The following INVS variants were observed in gnomAD, a reference collection of about 807,000 sequenced individuals.
INVS encodes the protein inversin, also known as inversion of embryo turning homolog.
A neutral mutation model predicts 108.8 loss-of-function variants in INVS; 86 were observed. The ratio of observed to expected loss-of-function variants is 0.79; its 90% CI spans 0.66 to 0.95. The LOEUF (loss-of-function observed/expected upper bound fraction) is 0.95. Ranked by LOEUF, INVS falls within the 40% of genes least tolerant of loss-of-function variation. The probability of loss-of-function intolerance (pLI) is 0.00; values close to 1 mark genes in which losing one functional copy is unlikely to be tolerated. For missense variants in INVS, 1,169 were observed against 1,297.4 expected (o/e 0.90, Z 1.52); for synonymous variants, 455 against 473.5 (o/e 0.96, Z 0.51).
rs147671655 is a variant in INVS at position 100,159,239 on chromosome 9, A to C, written c.273+32690A>C. ...TGGTATGGAAAGATAGAGGAAGGGA[A>C]TATTCAATGAGAAGTTTTAGGGAAG... On this transcript the variant is annotated intron_variant, in intron 3 of 16. Transcript: ENST00000262457. 1.1e-3 allele frequency among the ~76,000 whole-genome samples: 167 copies of C among 152,346 alleles called. 1 individual carries two copies. The highest frequency in any genetic ancestry group is 1.9e-3 in the Admixed American group (29 of 15,304).
chr9:100,123,825 A>G (rs1178901146), intron 2 of INVS, among the ~76,000 whole-genome samples: 3 of 152,136 alleles, frequency 2.0e-5, no homozygotes, highest in Admixed American at 1.3e-4. Context: ...GGTATCTTAT[A>G]TTGTGGTTTT....
intron 3 of INVS, chr9:100,129,617 AT>A (rs1827995493): frequency 1.6e-6 from 1 of 620,538 alleles, no homozygotes; most frequent in Non-Finnish European, 3.0e-6. Context: ...TTTTAAACTA[AT>A]TTGCCTGTCA....
At chr9:100,189,753 ATTTG>A (rs1236418824) in intron 3 of INVS, among the ~76,000 whole-genome samples, 4 of 150,296 alleles carry the variant, frequency 2.7e-5, no homozygotes, top group Admixed American at 6.6e-5. Context: ...TTATTTATTT[ATTTG>A]TTTGTTTTTT....
chr9:100,176,791 AC>A (rs1829726236), intron 3 of INVS, among the ~76,000 whole-genome samples: 1 of 151,878 alleles, frequency 6.6e-6, no homozygotes, highest in Non-Finnish European at 1.5e-5. Context: ...ACTGTTAAAA[AC>A]CCAATTATTA....
At chr9:100,125,548 A>T (rs1254095734) in intron 2 of INVS, among the ~76,000 whole-genome samples, 1 of 152,104 alleles carries the variant, frequency 6.6e-6, no homozygotes, top group East Asian at 1.9e-4. Flanking sequence ...CTAGTCCAAG[A>T]TGCCTTCCCT....
intron 3 of INVS, among the ~76,000 whole-genome samples, chr9:100,183,533 C>A (rs1233578017): frequency 6.6e-6 from 1 of 152,108 alleles, no homozygotes; most frequent in Non-Finnish European, 1.5e-5. Flanking sequence ...TGGCTTACGC[C>A]TGTAATCCCA....
At chr9:100,223,798 C>T (rs1831221672) in intron 3 of INVS, among the ~76,000 whole-genome samples, 1 of 152,208 alleles carries the variant, frequency 6.6e-6, no homozygotes, top group Non-Finnish European at 1.5e-5. Context: ...ATCCTCTTTC[C>T]TAGCCATGGT....
intron 12 of INVS, among the ~76,000 whole-genome samples, chr9:100,280,797 G>A (rs1833251066): frequency 6.6e-6 from 1 of 152,160 alleles, no homozygotes; most frequent in Admixed American, 6.5e-5. Context: ...TACGTCGAAA[G>A]CTAGTTATGG....
intron 3 of INVS, chr9:100,175,356 A>G: frequency 1.3e-6 from 1 of 762,592 alleles, no homozygotes; most frequent in Non-Finnish European, 2.4e-6. Flanking sequence ...CACGAGTCCC[A>G]AAGGCAGACA....
intron 2 of INVS, among the ~76,000 whole-genome samples, chr9:100,123,502 T>C (rs554393011): frequency 6.6e-6 from 1 of 152,336 alleles, no homozygotes; most frequent in East Asian, 1.9e-4. Flanking sequence ...CATTCGTCAG[T>C]TGATGAATAG....
rs200546215 is a variant in INVS at position 100,252,315 on chromosome 9, A to G, written c.1111A>G (p.Ser371Gly). 6.4e-5 allele frequency: 104 copies of G among 1,613,970 alleles called. No homozygotes were observed. Among genetic ancestry groups the G allele is most frequent in the Non-Finnish European group, 1.0e-5 (12 of 1,179,962 alleles). Reference protein sequence around the residue: ...LHAAALSGHVSTVKLLLENNA... With the variant: ...LHAAALSGHVGTVKLLLENNA... ...TGCTGCTGCTCTTTCTGGCCATGTC[A>G]GCACCGTGAAGTTATTACTGGAAAA... is the stretch of plus-strand genomic sequence containing the variant. Residue 371 changes from serine to glycine, a missense_variant, in exon 9 of 17, where the codon AGC becomes GGC. By Grantham distance (56) the Ser-to-Gly change is moderately conservative. Coordinates refer to ENST00000262457, the MANE Select transcript of INVS (RefSeq NM_014425.5).
chr9:100,154,121 G>A (rs141462317), intron 3 of INVS, among the ~76,000 whole-genome samples: 42 of 152,132 alleles, frequency 2.8e-4, no homozygotes, highest in African/African-American at 1.0e-3. Context: ...TTTAATTGCA[G>A]CATTATTTGT....
chr9:100,107,028 A>C (rs536394062), intron 2 of INVS, among the ~76,000 whole-genome samples: 3 of 152,328 alleles, frequency 2.0e-5, no homozygotes, highest in Non-Finnish European at 4.4e-5. Context: ...AGCTGTACCC[A>C]TTGTCCACAC....
intron 10 of INVS, among the ~76,000 whole-genome samples, chr9:100,255,025 G>A (rs1021167888): frequency 8.5e-5 from 13 of 152,112 alleles, no homozygotes; most frequent in African/African-American, 1.2e-4. Flanking sequence ...CCATTTTCAC[G>A]ATATTGATTC....
intron 3 of INVS, chr9:100,175,549 A>T (rs558309862): frequency 1.4e-6 from 1 of 734,000 alleles, no homozygotes; most frequent in Admixed American, 1.8e-5. Context: ...CTTAGCTACA[A>T]ACAGGTTAAG....
chr9:100,274,887 A>G (rs2118680438), intron 12 of INVS, among the ~76,000 whole-genome samples: 1 of 152,288 alleles, frequency 6.6e-6, no homozygotes, highest in East Asian at 1.9e-4. Flanking sequence ...TAAATCCTAC[A>G]TCTTACCCAC....
chr9:100,234,670 C>T (rs554670520), intron 5 of INVS, among the ~76,000 whole-genome samples: 40 of 152,174 alleles, frequency 2.6e-4, no homozygotes, highest in African/African-American at 8.2e-4. Flanking sequence ...TGTAGTTGTG[C>T]GGTTTTGAGT....
intron 2 of INVS, among the ~76,000 whole-genome samples, chr9:100,105,639 T>C (rs939794615): frequency 2.0e-5 from 3 of 152,100 alleles, no homozygotes; most frequent in African/African-American, 4.8e-5. Flanking sequence ...TTCCACCACC[T>C]CCAAATCACT....
In INVS at chr9:100,246,682, T is replaced by C. The variant is rs1832059127; in HGVS notation, c.973T>C (p.Ser325Pro). ...TGATTCAGACCTGGAAGGAAGAACA[T>C]CCTTTATGTGGGCAGCTGGCAAAGG... ...KDDSDLEGRT[S>P]FMWAAGKGSD... The change falls in exon 8 of 17, where the codon TCC becomes CCC. Residue 325 changes from serine to proline, a missense_variant. By Grantham distance (74) the Ser-to-Pro change is moderately conservative. Coordinates refer to ENST00000262457, the MANE Select transcript of INVS (RefSeq NM_014425.5). 1 of 1,613,744 alleles carries C rather than the reference T, an allele frequency of 6.2e-7. No individual in the cohort carries two copies. The highest frequency in any genetic ancestry group is 1.1e-5 in the South Asian group (1 of 91,080).
Sources: gnomAD v4.1 joint callset for allele counts (sites outside exome capture counted in the v4.1 genomes callset) on GRCh38, gnomAD v4.1.1 for gene constraint, MANE v1.5 for transcripts, NCBI Gene and HGNC (gene_info 2026-07-23, HGNC 2026-07-21) for gene names.